TEX9: variants seen among roughly 807,000 people sequenced by gnomAD.
TEX9 encodes the protein testis-expressed protein 9.
In TEX9, 74 loss-of-function variants were observed where a neutral mutation model predicts 59.6. The ratio of observed to expected loss-of-function variants is 1.24; its 90% CI spans 1.03 to 1.51. TEX9 has a LOEUF of 1.51. Among genes scored for constraint, TEX9 ranks in the 40% most tolerant of loss-of-function variants. The pLI, the probability that TEX9 is intolerant of heterozygous loss-of-function variation, is 0.00. For missense variants in TEX9, 522 were observed against 447.8 expected, an observed-to-expected ratio of 1.17 and a Z score of -1.49; for synonymous variants, 186 against 152.2, an observed-to-expected ratio of 1.22 and a Z score of -1.64.
chr15:56,315,883 A>C (rs1212460952), intron 1 of TEX9, among the ~76,000 whole-genome samples: 13 of 150,598 alleles, frequency 8.6e-5, no homozygotes, highest in African/African-American at 1.9e-4. Context: ...CTTCCCTTCT[A>C]GCTTCATTTT....
intron 1 of TEX9, among the ~76,000 whole-genome samples, chr15:56,296,760 A>G (rs572272720): frequency 1.3e-5 from 2 of 152,372 alleles, no homozygotes; most frequent in East Asian, 3.9e-4. Context: ...TGTCAAAATA[A>G]GGAAGCTGTA....
intron 1 of TEX9, among the ~76,000 whole-genome samples, chr15:56,260,546 G>A (rs1304910784): frequency 3.3e-5 from 5 of 152,032 alleles, no homozygotes; most frequent in African/African-American, 1.2e-4. Flanking sequence ...AGTGAAGTAA[G>A]TTATATTGAT....
At chr15:56,372,286 A>G (rs2047224038) in intron 2 of TEX9, among the ~76,000 whole-genome samples, 1 of 152,208 alleles carries the variant, frequency 6.6e-6, no homozygotes, top group Admixed American at 6.5e-5. Context: ...TTAAAGCTTC[A>G]GACTGTTAAA....
chr15:56,248,391 A>T (rs1381991472), intron 1 of TEX9, among the ~76,000 whole-genome samples: 1 of 152,164 alleles, frequency 6.6e-6, no homozygotes, highest in African/African-American at 2.4e-5. Flanking sequence ...AACTATTCAA[A>T]TACTGTCAAG....
intron 1 of TEX9, among the ~76,000 whole-genome samples, chr15:56,345,840 T>C (rs1016054070): frequency 1.3e-5 from 2 of 152,192 alleles, no homozygotes; most frequent in African/African-American, 4.8e-5. Flanking sequence ...TCAGAAGTGC[T>C]ACTCTAAAGA....
intron 1 of TEX9, among the ~76,000 whole-genome samples, chr15:56,341,168 C>A (rs1239580549): frequency 6.6e-6 from 1 of 152,134 alleles, no homozygotes; most frequent in Non-Finnish European, 1.5e-5. Flanking sequence ...AGTTTTTATA[C>A]CTGGCTTTGA....
chr15:56,350,897 C>T (rs1315926814), intron 1 of TEX9, among the ~76,000 whole-genome samples: 1 of 152,076 alleles, frequency 6.6e-6, no homozygotes, highest in Non-Finnish European at 1.5e-5. Context: ...ATGATGAGTG[C>T]TTAAAGAAAG....
intron 1 of TEX9, among the ~76,000 whole-genome samples, chr15:56,306,815 G>T (rs1185243116): frequency 1.3e-5 from 2 of 152,142 alleles, no homozygotes; most frequent in Non-Finnish European, 2.9e-5. Flanking sequence ...TTACTCTGAT[G>T]TGATTATTAT....
At chr15:56,346,004 C>G (rs1488661733) in intron 1 of TEX9, among the ~76,000 whole-genome samples, 1 of 152,086 alleles carries the variant, frequency 6.6e-6, no homozygotes, top group East Asian at 1.9e-4. Context: ...GAGTGGAGTG[C>G]CTATCATAAG....
Position 56,281,663 on chromosome 15 carries a change from A to C in TEX9, c.-107+37385A>C, listed in dbSNP as rs186497313. ...CTCAGATAGTCAAAATAATTGAAAA[A>C]TATAAGAAATCTACATTATCTACCC... is the stretch of plus-strand genomic sequence containing the variant. On this transcript the variant is annotated intron_variant, in intron 1 of 5. Transcript: ENST00000560827. 3.7e-3 allele frequency among the ~76,000 whole-genome samples: 567 copies of C among 152,358 alleles called. 5 individuals are homozygous for C. Among genetic ancestry groups the C allele is most frequent in the African/African-American group, 8.7e-3 (361 of 41,582 alleles).
chr15:56,432,067 G>C (rs59966425), intron 12 of TEX9, among the ~76,000 whole-genome samples: 2,887 of 152,190 alleles, frequency 0.019, 101 homozygotes, highest in African/African-American at 0.067. Context: ...ATTTGAGACT[G>C]TACTTGCATT....
chr15:56,342,197 T>C (rs1295870626), intron 1 of TEX9, among the ~76,000 whole-genome samples: 1 of 152,166 alleles, frequency 6.6e-6, no homozygotes. Flanking sequence ...TAGTAACTAA[T>C]CTATGCCAGG....
intron 3 of TEX9, among the ~76,000 whole-genome samples, chr15:56,378,375 T>TA (rs1205762448): frequency 6.6e-6 from 1 of 151,920 alleles, no homozygotes; most frequent in African/African-American, 2.4e-5. Flanking sequence ...GAAAATTTTT[T>TA]ATTGTGGCTT....
intron 12 of TEX9, chr15:56,443,612 T>C (rs373555872): frequency 2.4e-5 from 38 of 1,601,278 alleles, no homozygotes; most frequent in Admixed American, 3.4e-5. Context: ...ATTTTACTAG[T>C]GTTAAAGAAG....
chr15:56,446,886 CCTTT>C (rs1596264554), downstream of TEX9: 3 of 1,610,248 alleles, frequency 1.9e-6, no homozygotes, highest in Non-Finnish European at 2.5e-6. Flanking sequence ...TCTGAGCTGC[CCTTT>C]CTTTATTCAT....
chr15:56,343,256 A>G (rs1479928203), intron 1 of TEX9, among the ~76,000 whole-genome samples: 1 of 152,148 alleles, frequency 6.6e-6, no homozygotes, highest in East Asian at 1.9e-4. Flanking sequence ...GTACCTAGAG[A>G]AAATTGTTAG....
intron 1 of TEX9, among the ~76,000 whole-genome samples, chr15:56,358,889 C>G (rs1417979507): frequency 6.6e-6 from 1 of 152,082 alleles, no homozygotes; most frequent in African/African-American, 2.4e-5. Flanking sequence ...CGTACTTGCT[C>G]TCTCTCCTGC....
intron 3 of TEX9, among the ~76,000 whole-genome samples, chr15:56,376,172 G>T (rs891168216): frequency 6.6e-6 from 1 of 151,490 alleles, no homozygotes; most frequent in Admixed American, 6.6e-5. Context: ...GTATACATAT[G>T]TAACTAACCT....
At chr15:56,459,794 G>A in the TEX9 span, among the ~76,000 whole-genome samples, 2 of 150,580 alleles carry the variant, frequency 1.3e-5, no homozygotes, top group Admixed American at 6.7e-5. Context: ...AGTTGGAGAC[G>A]AGCCTGACCA....
Sources: allele counts gnomAD v4.1 joint callset (sites outside exome capture counted in the v4.1 genomes callset), GRCh38; gene constraint gnomAD v4.1.1; transcripts MANE v1.5; gene names NCBI Gene and HGNC (gene_info 2026-07-23, HGNC 2026-07-21).